The following CA5B variants were observed in gnomAD, a reference collection of about 807,000 sequenced individuals.
The protein encoded by CA5B is carbonic anhydrase 5B, mitochondrial.
A neutral mutation model predicts 23.1 loss-of-function variants in CA5B; 15 were observed. The observed-to-expected ratio is 0.65, with a 90% confidence interval of 0.43 to 1.00. CA5B has a LOEUF of 1.00. Among genes scored for constraint, CA5B ranks in the 50% least tolerant of loss-of-function variants. The pLI is 0.00. For synonymous variants in CA5B, 84 were observed against 98.5 expected, an observed-to-expected ratio of 0.85 and a Z score of 0.87; for missense variants, 236 against 252.2, an observed-to-expected ratio of 0.94 and a Z score of 0.43.
chrX:15,750,161 A>G lies in CA5B; in HGVS notation c.138A>G (p.Arg46=). Residue 46 remains arginine, a synonymous_variant, in exon 2 of 8, where the codon CGA becomes CGG. Coordinates refer to ENST00000318636, the MANE Select transcript of CA5B (RefSeq NM_007220.4). ...LYTCTYKTRN[R]ALHPLWESVD... ...CTTGTACTTACAAAACCCGGAACCG[A>G]GCCTGTGAGTACACCACTTCCTTAA... 8.3e-7 allele frequency: 1 copy of G among 1,201,833 alleles called. No homozygotes were observed. Among genetic ancestry groups the G allele is most frequent in the South Asian group, 1.8e-5 (1 of 56,530 alleles).
At chrX:15,781,015 G>A (rs779445935) in intron 7 of CA5B, among the ~76,000 whole-genome samples, 11 of 106,493 alleles carry the variant, frequency 1.0e-4, no homozygotes, top group Non-Finnish European at 1.7e-4. Context: ...TTTCACTCTC[G>A]TTGCCCAGGT....
intron 2 of CA5B, among the ~76,000 whole-genome samples, chrX:15,754,230 T>G (rs1931445626): frequency 8.9e-6 from 1 of 112,365 alleles, no homozygotes; most frequent in Non-Finnish European, 1.9e-5. Context: ...TACAATTTCA[T>G]TTCTGGTTCA....
At chrX:15,782,355 C>G (rs1485335699) in intron 7 of CA5B, 130 bp from the exon 8 acceptor site, 2 of 628,102 alleles carry the variant, frequency 3.2e-6, no homozygotes, top group African/African-American at 4.5e-5. Context: ...CGTTCTTACC[C>G]AGAAATAACT....
Position 15,782,719 on chromosome X carries a change from A to G in CA5B, c.*55A>G, listed in dbSNP as rs1932048202. ...TTGCTTTAATATATACTAGCTTACT[A>G]TAAATTGTTAACTAGACTATTCTAA... is the stretch of plus-strand genomic sequence containing the variant. On this transcript the variant is annotated 3_prime_UTR_variant, in exon 8 of 8. Coordinates refer to ENST00000318636, the MANE Select transcript of CA5B (RefSeq NM_007220.4). 2 of 921,715 alleles carry G rather than the reference A, an allele frequency of 2.2e-6. No individual in the cohort carries two copies. Among genetic ancestry groups the G allele is most frequent in the African/African-American group, 2.0e-5 (1 of 50,207 alleles). The allele number at this position is 921,715 out of a possible 1,213,427, so 76.0% of individuals were successfully genotyped here.
At chrX:15,761,304 G>A (rs1473087626) in intron 2 of CA5B, among the ~76,000 whole-genome samples, 3 of 111,803 alleles carry the variant, frequency 2.7e-5, no homozygotes, top group African/African-American at 6.5e-5. Flanking sequence ...AGTGAACATA[G>A]TACCTAATAG....
rs1932131289 is a variant in CA5B at position 15,787,121 on chromosome X, C to T, written c.*4457C>T. On this transcript the variant is annotated 3_prime_UTR_variant, in exon 8 of 8. Coordinates refer to ENST00000318636, the MANE Select transcript of CA5B (RefSeq NM_007220.4). ...GTGCCCCACTTGCACCACAGCCTGCCTTGGGTTATATACCATAGGAGCCAC... is the reference window on the plus strand; with the variant it reads ...GTGCCCCACTTGCACCACAGCCTGCTTTGGGTTATATACCATAGGAGCCAC... The T allele has an allele frequency of 8.9e-6, 1 of 111,762 alleles. No individual in the cohort carries two copies. Among genetic ancestry groups the T allele is most frequent in the Non-Finnish European group, 1.9e-5 (1 of 53,145 alleles). 9.2% of individuals were successfully genotyped at this position (111,762 alleles called of 1,213,427 possible).
chrX:15,752,624 C>G (rs781398941), intron 2 of CA5B, among the ~76,000 whole-genome samples: 1 of 110,616 alleles, frequency 9.0e-6, no homozygotes, highest in Non-Finnish European at 1.9e-5. Context: ...ACTAAGGATG[C>G]TGAGGCATGA....
chrX:15,741,906 TAAA>T (rs1457747192), intron 1 of CA5B, among the ~76,000 whole-genome samples: 2 of 112,085 alleles, frequency 1.8e-5, no homozygotes, highest in African/African-American at 6.5e-5. Context: ...CCCTACATTT[TAAA>T]AATCACAATG....
intron 6 of CA5B, chrX:15,775,988 C>T (rs1483208650): frequency 1.3e-6 from 1 of 750,327 alleles, no homozygotes; most frequent in African/African-American, 2.3e-5. Flanking sequence ...AGGTTTCTGG[C>T]TCCTCCTGAG....
intron 7 of CA5B, among the ~76,000 whole-genome samples, chrX:15,777,243 A>G (rs1931948786): frequency 8.9e-6 from 1 of 112,115 alleles, no homozygotes; most frequent in African/African-American, 3.2e-5. Flanking sequence ...GAATTCTGCT[A>G]TGGAATCTCA....
chrX:15,753,871 T>C (rs1396224171), intron 2 of CA5B, among the ~76,000 whole-genome samples: 1 of 111,769 alleles, frequency 8.9e-6, no homozygotes, highest in East Asian at 2.8e-4. Context: ...GATCGTGCCA[T>C]TGCACTCCAG....
Position 15,786,963 on chromosome X carries a change from A to G in CA5B, c.*4299A>G, listed in dbSNP as rs1205198859. 9.9e-5 allele frequency: 11 copies of G among 111,361 alleles called. No individual in the cohort carries two copies. 9.2% of individuals were successfully genotyped at this position (111,361 alleles called of 1,213,427 possible). A position where few individuals can be genotyped will look rare whatever the true frequency, so the allele number is the denominator to read the frequency against. Reference sequence around the variant, plus strand: ...GTGACAGAACACACTCACACCCAATACATTACATGAAGCAGATTTATTACT... The same window carrying G: ...GTGACAGAACACACTCACACCCAATGCATTACATGAAGCAGATTTATTACT... On this transcript the variant is annotated 3_prime_UTR_variant, in exon 8 of 8. Transcript: ENST00000318636.
chrX:15,763,764 A>C (rs1389178882), intron 2 of CA5B, among the ~76,000 whole-genome samples: 1 of 112,176 alleles, frequency 8.9e-6, no homozygotes, highest in Non-Finnish European at 1.9e-5. Flanking sequence ...AGATACTGGT[A>C]GTATGGGACA....
intron 1 of CA5B, among the ~76,000 whole-genome samples, chrX:15,747,532 T>A (rs1264466723): frequency 1.8e-5 from 2 of 110,322 alleles, no homozygotes; most frequent in Non-Finnish European, 3.8e-5. Flanking sequence ...GGGTAGAAGA[T>A]GTATAAATAA....
At chrX:15,749,914 C>T in intron 1 of CA5B, 57 bp from the exon 2 acceptor site, 11 of 938,784 alleles carry the variant, frequency 1.2e-5, no homozygotes, top group Non-Finnish European at 1.6e-5. Flanking sequence ...GAGGTTTCTC[C>T]ATCATCTTAA....
chrX:15,784,009 T>A lies in CA5B; in HGVS notation c.*1345T>A, dbSNP rs1415530109. 5 of 102,958 alleles carry A rather than the reference T, an allele frequency of 4.9e-5. No individual in the cohort carries two copies. The highest frequency in any genetic ancestry group is 9.8e-5 in the Non-Finnish European group (5 of 51,057). 8.5% of individuals were successfully genotyped at this position (102,958 alleles called of 1,213,427 possible). On this transcript the variant is annotated 3_prime_UTR_variant, in exon 8 of 8. Coordinates refer to ENST00000318636, the MANE Select transcript of CA5B (RefSeq NM_007220.4). ...TTTAAGCGATTCTCCTGCCTCAGCC[T>A]CCTGAGTAACTGGGACTACAGGCAC...
At chrX:15,743,561 T>C (rs553619924) in intron 1 of CA5B, among the ~76,000 whole-genome samples, 1 of 111,753 alleles carries the variant, frequency 8.9e-6, no homozygotes, top group South Asian at 3.7e-4. Context: ...TGAATGAAGG[T>C]TGGTTAAAGG....
chrX:15,742,002 T>C (rs2147251301), intron 1 of CA5B, among the ~76,000 whole-genome samples: 1 of 112,204 alleles, frequency 8.9e-6, no homozygotes, highest in South Asian at 3.7e-4. Flanking sequence ...CTCAGATTAT[T>C]GGAGTTTCAC....
intron 3 of CA5B, chrX:15,766,814 G>A: frequency 3.8e-6 from 1 of 264,916 alleles, no homozygotes; most frequent in Non-Finnish European, 7.1e-6. Flanking sequence ...TATAAGTTTA[G>A]TTTTGTTTTG....
Sources: allele counts gnomAD v4.1 joint callset (sites outside exome capture counted in the v4.1 genomes callset), GRCh38; gene constraint gnomAD v4.1.1; transcripts MANE v1.5; gene names NCBI Gene and HGNC (gene_info 2026-07-23, HGNC 2026-07-21).